KCNQ5: variants seen among roughly 807,000 people sequenced by gnomAD.
KCNQ5 encodes potassium voltage-gated channel subfamily Q member 5.
Under a neutral mutation model 98.2 loss-of-function variants are expected in KCNQ5, and 30 were observed. The ratio of observed to expected loss-of-function variants is 0.31; its 90% CI spans 0.23 to 0.41. The LOEUF (loss-of-function observed/expected upper bound fraction) is 0.41. Among genes scored for constraint, KCNQ5 ranks in the 10% least tolerant of loss-of-function variants. The pLI is 1.00. For missense variants in KCNQ5, 835 were observed against 1,182.5 expected, an observed-to-expected ratio of 0.71 and a Z score of 4.31; for synonymous variants, 458 against 449.4, an observed-to-expected ratio of 1.02 and a Z score of -0.24.
At chr6:72,727,429 A>G (rs1027992231) in intron 1 of KCNQ5, among the ~76,000 whole-genome samples, 1 of 152,244 alleles carries the variant, frequency 6.6e-6, no homozygotes, top group East Asian at 1.9e-4. Flanking sequence ...ATGAAAATTC[A>G]ATGATGGCAT....
intron 1 of KCNQ5, among the ~76,000 whole-genome samples, chr6:72,762,680 C>A (rs563751436): frequency 6.6e-6 from 1 of 152,170 alleles, no homozygotes; most frequent in South Asian, 2.1e-4. Flanking sequence ...AGAATAAACA[C>A]AGCCTATTGT....
intron 11 of KCNQ5, among the ~76,000 whole-genome samples, chr6:73,174,416 A>G (rs115892688): frequency 1.4e-4 from 21 of 152,334 alleles, no homozygotes; most frequent in African/African-American, 5.1e-4. Flanking sequence ...CCAAGACGCT[A>G]TCGATTGTGC....
intron 1 of KCNQ5, among the ~76,000 whole-genome samples, chr6:72,786,834 A>G (rs924447466): frequency 5.3e-5 from 8 of 151,378 alleles, no homozygotes; most frequent in African/African-American, 1.5e-4. Context: ...GTGAAACCCC[A>G]TCTCTACTAA....
At chr6:72,624,100 C>T (rs988045073) in intron 1 of KCNQ5, among the ~76,000 whole-genome samples, 5 of 152,102 alleles carry the variant, frequency 3.3e-5, no homozygotes, top group Non-Finnish European at 7.3e-5. Flanking sequence ...ACAAGGAGAA[C>T]GGTTGTGTTG....
chr6:72,915,700 G>T (rs886497454), intron 1 of KCNQ5, among the ~76,000 whole-genome samples: 2 of 151,248 alleles, frequency 1.3e-5, no homozygotes, highest in African/African-American at 2.4e-5. Context: ...ACACAATCAC[G>T]CACACACACA....
At chr6:72,693,295 A>G (rs1565083524) in intron 1 of KCNQ5, among the ~76,000 whole-genome samples, 1 of 152,050 alleles carries the variant, frequency 6.6e-6, no homozygotes, top group East Asian at 1.9e-4. Context: ...TAATCAGGAG[A>G]GTGTGTTTGG....
intron 1 of KCNQ5, among the ~76,000 whole-genome samples, chr6:72,821,848 A>T (rs1350168851): frequency 1.3e-5 from 2 of 151,834 alleles, no homozygotes; most frequent in Admixed American, 1.3e-4. Context: ...GCCCTCAGAG[A>T]ACTCTATGTA....
chr6:72,832,583 G>A (rs1387475688), intron 1 of KCNQ5, among the ~76,000 whole-genome samples: 1 of 152,130 alleles, frequency 6.6e-6, no homozygotes, highest in Non-Finnish European at 1.5e-5. Context: ...TCCCTTCAGT[G>A]TCTTGTTTAG....
chr6:72,748,178 GTTGTTTGT>G (rs199719909), intron 1 of KCNQ5, among the ~76,000 whole-genome samples: 2 of 152,064 alleles, frequency 1.3e-5, no homozygotes, highest in African/African-American at 2.4e-5. Context: ...ATGTGTGATA[GTTGTTTGT>G]TTGTTTGTTT....
chr6:72,882,595 C>A (rs1000803449), intron 1 of KCNQ5, among the ~76,000 whole-genome samples: 1 of 152,176 alleles, frequency 6.6e-6, no homozygotes, highest in African/African-American at 2.4e-5. Context: ...TTAAGAGAAT[C>A]AGATTTAAAT....
Position 72,771,204 on chromosome 6 carries a change from CA to C in KCNQ5, c.398+148618del, listed in dbSNP as rs532429773. On this transcript the variant is annotated intron_variant, in intron 1 of 13. Transcript: ENST00000370398. Reference sequence around the variant, plus strand: ...CAGAGGGGAATGGGTGGGTGTGGGGCAGACAGTGACAACAGCAGGTCTCAAA... The same window carrying C: ...CAGAGGGGAATGGGTGGGTGTGGGGCGACAGTGACAACAGCAGGTCTCAAA... Among the ~76,000 whole-genome samples, 36 of 152,116 alleles carry C rather than the reference CA, an allele frequency of 2.4e-4. No homozygotes were observed. In the South Asian group the frequency reaches 5.2e-3, roughly 22 times the overall value.
intron 3 of KCNQ5, among the ~76,000 whole-genome samples, chr6:73,060,740 G>T (rs1394187334): frequency 6.6e-6 from 1 of 152,044 alleles, no homozygotes; most frequent in African/African-American, 2.4e-5. Context: ...GAACAGACTG[G>T]TCACAGAATA....
intron 10 of KCNQ5, among the ~76,000 whole-genome samples, chr6:73,156,021 A>C (rs1375171248): frequency 6.6e-6 from 1 of 152,188 alleles, no homozygotes; most frequent in African/African-American, 2.4e-5. Context: ...GTGCTACTGC[A>C]TCAGGGCCCA....
At chr6:72,877,434 T>C (rs1284908017) in intron 1 of KCNQ5, among the ~76,000 whole-genome samples, 1 of 152,234 alleles carries the variant, frequency 6.6e-6, no homozygotes, top group East Asian at 1.9e-4. Flanking sequence ...ATGGTGTATA[T>C]GTACCACATT....
At chr6:72,881,249 G>C (rs939425537) in intron 1 of KCNQ5, among the ~76,000 whole-genome samples, 1 of 152,158 alleles carries the variant, frequency 6.6e-6, no homozygotes, top group African/African-American at 2.4e-5. Flanking sequence ...GATGAACACA[G>C]AGCACTAATC....
intron 3 of KCNQ5, among the ~76,000 whole-genome samples, chr6:73,063,667 T>TGATA (rs1554203587): frequency 0.15 from 9,176 of 62,650 alleles, 1,146 homozygotes; most frequent in East Asian, 0.31. Flanking sequence ...GATAGATAGA[T>TGATA]GATAGATAGA....
chr6:72,660,477 G>A (rs1433696197), intron 1 of KCNQ5, among the ~76,000 whole-genome samples: 1 of 137,568 alleles, frequency 7.3e-6, no homozygotes, highest in East Asian at 1.9e-4. Flanking sequence ...ACAATAACAT[G>A]TGCCATATTT....
chr6:72,960,891 T>C (rs903222320), intron 1 of KCNQ5, among the ~76,000 whole-genome samples: 1 of 152,180 alleles, frequency 6.6e-6, no homozygotes, highest in African/African-American at 2.4e-5. Context: ...GGTGGGAGGA[T>C]CATTTAAGCC....
chr6:73,019,664 C>T (rs968446566), intron 2 of KCNQ5, among the ~76,000 whole-genome samples: 2 of 152,088 alleles, frequency 1.3e-5, no homozygotes, highest in African/African-American at 4.8e-5. Context: ...ACCTATTTAT[C>T]AAAAGTTCAA....
Sources: allele counts gnomAD v4.1 joint callset (sites outside exome capture counted in the v4.1 genomes callset), GRCh38; gene constraint gnomAD v4.1.1; transcripts MANE v1.5; gene names NCBI Gene and HGNC (gene_info 2026-07-23, HGNC 2026-07-21).